LACTB2: variants seen among roughly 807,000 people sequenced by gnomAD.
LACTB2 encodes lactamase beta 2.
A neutral mutation model predicts 34.8 loss-of-function variants in LACTB2; 32 were observed. The ratio of observed to expected loss-of-function variants is 0.92; its 90% CI spans 0.69 to 1.24. The LOEUF is 1.24. Ranked by LOEUF, LACTB2 falls within the 50% of genes most tolerant of loss-of-function variation. The probability of loss-of-function intolerance (pLI) is 0.00; values close to 1 mark genes in which losing one functional copy is unlikely to be tolerated. For synonymous variants in LACTB2, 120 were observed against 117.5 expected (o/e 1.02, Z -0.14); for missense variants, 320 against 345.0 (o/e 0.93, Z 0.57).
chr8:70,647,627 T>C (rs941235319), intron 3 of LACTB2, among the ~76,000 whole-genome samples: 4 of 152,132 alleles, frequency 2.6e-5, no homozygotes, highest in Non-Finnish European at 5.9e-5. Flanking sequence ...TGATGACATA[T>C]AGATGAGTGA....
chr8:70,644,002 CAT>C (rs1191776468), intron 4 of LACTB2, 61 bp downstream of exon 4: 1 of 1,366,050 alleles, frequency 7.3e-7, no homozygotes, highest in Non-Finnish European at 9.5e-7. Flanking sequence ...GCCTGGAAAA[CAT>C]AGCAAGACCT....
rs1030649784 is a variant in LACTB2 at position 70,663,127 on chromosome 8, A to T, written c.123-1230T>A. 2.0e-5 allele frequency: 3 copies of T among 152,342 alleles called. No homozygotes were observed. In the Middle Eastern group the frequency reaches 0.01, roughly 518 times the overall value. The allele number at this position is 152,342 out of a possible 1,614,324, so 9.4% of individuals were successfully genotyped here. On this transcript the variant is annotated intron_variant, in intron 1 of 6. Coordinates refer to ENST00000276590, the MANE Select transcript of LACTB2 (RefSeq NM_016027.3). The stretch of plus-strand genomic sequence containing the variant: ...ATCAATAACTGTTTATGGATTACCT[A>T]ATATGTGCTACAAATTTGTTTCTTG...
At chr8:70,667,545 G>C (rs1004025153) in intron 1 of LACTB2, among the ~76,000 whole-genome samples, 15 of 152,204 alleles carry the variant, frequency 9.9e-5, no homozygotes, top group African/African-American at 2.9e-4. Flanking sequence ...GTGAGCAACA[G>C]TGTTAAGTAA....
intron 1 of LACTB2, among the ~76,000 whole-genome samples, chr8:70,665,195 T>C (rs1818522269): frequency 6.6e-6 from 1 of 152,240 alleles, no homozygotes; most frequent in Non-Finnish European, 1.5e-5. Flanking sequence ...CAGATAATAA[T>C]ATCCCTATCT....
rs66482767 is a variant in LACTB2, at chr8:70,643,208, CTTTTTTTTTTTTT to C, written c.592+844_592+856del. ...AGACAGGACTTAGGGGTGTATTTTC[CTTTTTTTTTTTTT>C]TTTTTTTTTTTTTTTTTTTTGAGAC... On this transcript the variant is annotated intron_variant, in intron 4 of 6. Coordinates refer to ENST00000276590, the MANE Select transcript of LACTB2 (RefSeq NM_016027.3). Among the ~76,000 whole-genome samples the C allele has an allele frequency of 1.1e-3, 85 of 76,216 alleles. 1 individual carries two copies. Among genetic ancestry groups the C allele is most frequent in the African/African-American group, 3.4e-3 (76 of 22,308 alleles). The allele number at this position is 76,216 out of a possible 152,430, so 50.0% of individuals were successfully genotyped here.
At position 70,657,895 on chromosome 8, in the gene LACTB2, C is replaced by A; in HGVS notation, c.287-13G>T. On this transcript the variant is annotated splice_polypyrimidine_tract_variant and intron_variant, in intron 2 of 6. Transcript: ENST00000276590. Reference sequence around the variant, plus strand: ...CAATAGGTAGTGTCTAGTCATAAAACATATAAAATATATTAATTCACACTT... The same window carrying A: ...CAATAGGTAGTGTCTAGTCATAAAAAATATAAAATATATTAATTCACACTT... 6.5e-7 allele frequency: 1 copy of A among 1,546,880 alleles called. No individual in the cohort carries two copies. The highest frequency in any genetic ancestry group is 8.8e-7 in the Non-Finnish European group (1 of 1,132,016).
Position 70,644,498 on chromosome 8 carries a change from G to T in LACTB2, c.414-255C>A, listed in dbSNP as rs373590633. ...TTTTCTTTTCTTTTTTTGAGACAGG[G>T]TCTCACTCTGTTGCCCAGGCTGCAG... On this transcript the variant is annotated intron_variant, in intron 3 of 6. Coordinates refer to ENST00000276590, the MANE Select transcript of LACTB2 (RefSeq NM_016027.3). 1.8e-4 allele frequency among the ~76,000 whole-genome samples: 27 copies of T among 151,988 alleles called. No individual in the cohort carries two copies. The South Asian group carries it at 5.2e-3, about 29-fold the overall frequency.
At chr8:70,659,006 G>A (rs905691270) in intron 2 of LACTB2, among the ~76,000 whole-genome samples, 3 of 152,016 alleles carry the variant, frequency 2.0e-5, no homozygotes, top group Admixed American at 1.3e-4. Flanking sequence ...CAGGCCGAGC[G>A]ACAGTGCGAG....
At chr8:70,643,208 CT>C (rs66482767) in intron 4 of LACTB2, among the ~76,000 whole-genome samples, 4 of 76,216 alleles carry the variant, frequency 5.2e-5, no homozygotes, top group Non-Finnish European at 1.0e-4. Flanking sequence ...GTGTATTTTC[CT>C]TTTTTTTTTT....
intron 3 of LACTB2, among the ~76,000 whole-genome samples, chr8:70,645,549 G>A (rs975799270): frequency 2.0e-5 from 3 of 151,680 alleles, no homozygotes; most frequent in African/African-American, 7.3e-5. Context: ...CAACGTGCAG[G>A]TTAGTTACGT....
chr8:70,666,950 A>G (rs1818538313), intron 1 of LACTB2, among the ~76,000 whole-genome samples: 1 of 152,180 alleles, frequency 6.6e-6, no homozygotes, highest in Non-Finnish European at 1.5e-5. Context: ...TTGAGTCTGA[A>G]GATCAAGTTT....
intron 3 of LACTB2, among the ~76,000 whole-genome samples, chr8:70,647,276 A>G (rs1484269837): frequency 6.7e-6 from 1 of 150,336 alleles, no homozygotes; most frequent in Non-Finnish European, 1.5e-5. Context: ...TTTTTGAGAC[A>G]GGGTCTCGCT....
intron 3 of LACTB2, among the ~76,000 whole-genome samples, chr8:70,656,489 TGTAA>T (rs1818413318): frequency 6.6e-6 from 1 of 152,306 alleles, no homozygotes; most frequent in African/African-American, 2.4e-5. Context: ...ATCAGTTAGC[TGTAA>T]GTATTTAGGT....
At chr8:70,638,403 G>T in intron 6 of LACTB2, 145 bp downstream of exon 6, 1 of 832,122 alleles carries the variant, frequency 1.2e-6, no homozygotes, top group Middle Eastern at 3.3e-4. Context: ...CTGTGCTACT[G>T]ACCTTCCTAG....
At chr8:70,652,223 A>T (rs1043814827) in intron 3 of LACTB2, among the ~76,000 whole-genome samples, 1 of 152,176 alleles carries the variant, frequency 6.6e-6, no homozygotes, top group African/African-American at 2.4e-5. Flanking sequence ...TATTTATGCA[A>T]CTTTCACTGA....
At chr8:70,639,294 G>A (rs140115182) in intron 5 of LACTB2, among the ~76,000 whole-genome samples, 3,281 of 151,884 alleles carry the variant, frequency 0.022, 130 homozygotes, top group African/African-American at 0.075. Context: ...CGAGTAGCTA[G>A]GATTACAGGC....
intron 3 of LACTB2, among the ~76,000 whole-genome samples, chr8:70,645,198 C>G (rs1357695631): frequency 6.6e-6 from 1 of 152,178 alleles, no homozygotes; most frequent in Non-Finnish European, 1.5e-5. Context: ...TCACTGCAGC[C>G]TCAACCTCCT....
intron 1 of LACTB2, among the ~76,000 whole-genome samples, chr8:70,667,744 T>G (rs1818550392): frequency 6.6e-6 from 1 of 152,230 alleles, no homozygotes; most frequent in African/African-American, 2.4e-5. Flanking sequence ...GCCATCTGTT[T>G]CAACGCTGGA....
chr8:70,648,807 A>C (rs1228465831), intron 3 of LACTB2, among the ~76,000 whole-genome samples: 2 of 152,116 alleles, frequency 1.3e-5, no homozygotes, highest in East Asian at 3.9e-4. Flanking sequence ...CTCAGAACAC[A>C]CTACTGCCAA....
Sources: allele counts gnomAD v4.1 joint callset (sites outside exome capture counted in the v4.1 genomes callset), GRCh38; gene constraint gnomAD v4.1.1; transcripts MANE v1.5; gene names NCBI Gene and HGNC (gene_info 2026-07-23, HGNC 2026-07-21).